FRMPD1: variants seen among roughly 807,000 people sequenced by gnomAD.
The protein encoded by FRMPD1 is FERM and PDZ domain containing 1, also known as FERM and PDZ domain-containing protein 1.
Under a neutral mutation model 117.8 loss-of-function variants are expected in FRMPD1, and 76 were observed. The ratio of observed to expected loss-of-function variants is 0.65; its 90% CI spans 0.54 to 0.78. FRMPD1 has a LOEUF of 0.78. Ranked by LOEUF, FRMPD1 falls within the 30% of genes least tolerant of loss-of-function variation. The probability of loss-of-function intolerance (pLI) is 0.00; values close to 1 mark genes in which losing one functional copy is unlikely to be tolerated. For missense variants in FRMPD1, 1,786 were observed against 1,964.5 expected, an observed-to-expected ratio of 0.91 and a Z score of 1.72; for synonymous variants, 783 against 770.4, an observed-to-expected ratio of 1.02 and a Z score of -0.27.
At chr9:37,670,538 C>G (rs1049090178) in intron 1 of FRMPD1, among the ~76,000 whole-genome samples, 4 of 152,122 alleles carry the variant, frequency 2.6e-5, no homozygotes, top group African/African-American at 9.7e-5. Flanking sequence ...GCGGGAGGCT[C>G]AGTGCAATTT....
chr9:37,651,867 C>T (rs1335218262), intron 1 of FRMPD1, among the ~76,000 whole-genome samples: 1 of 152,238 alleles, frequency 6.6e-6, no homozygotes, highest in Non-Finnish European at 1.5e-5. Flanking sequence ...AGAAGCGGAA[C>T]CTCCGGATCT....
chr9:37,693,595 A>G (rs1822223574), intron 2 of FRMPD1, among the ~76,000 whole-genome samples: 1 of 152,174 alleles, frequency 6.6e-6, no homozygotes, highest in South Asian at 2.1e-4. Context: ...CTTGTTTAGG[A>G]CCACTCTTAC....
the FRMPD1 span, chr9:37,636,906 C>T: frequency 1.9e-6 from 3 of 1,610,338 alleles, no homozygotes; most frequent in East Asian, 4.5e-5. Context: ...TTGTCCACCA[C>T]CTTCTTGGTG....
At position 37,740,260 on chromosome 9, in the gene FRMPD1, G is replaced by A. The variant is rs1378838567; in HGVS notation, c.1732G>A (p.Ala578Thr). 6.2e-7 allele frequency: 1 copy of A among 1,613,906 alleles called. No individual in the cohort carries two copies. The highest frequency in any genetic ancestry group is 1.1e-5 in the South Asian group (1 of 91,082). Residue 578 changes from alanine (A) to threonine (T), a missense_variant, in exon 15 of 16, where the codon GCC becomes ACC. Physicochemically the swap from Ala to Thr is moderately conservative, Grantham distance 58. Coordinates refer to ENST00000377765, the MANE Select transcript of FRMPD1 (RefSeq NM_014907.3). The surrounding 1 kb of genome is among the most constrained non-coding windows in gnomAD (Gnocchi z 4.2). The stretch of plus-strand genomic sequence containing the variant: ...TAGGAGGGGCCCCAGCACCTGCGGG[G>A]CCAGCAGCACGACAGACAGTGCCGA... ...VARRGPSTCG[A>T]SSTTDSAESE...
At chr9:37,699,537 C>G (rs556101389) in intron 2 of FRMPD1, among the ~76,000 whole-genome samples, 82 of 152,144 alleles carry the variant, frequency 5.4e-4, no homozygotes, top group South Asian at 2.3e-3. Context: ...CCAGGCTGGT[C>G]TTGAACTCCT....
At chr9:37,669,378 CCCCG>C (rs1437456407) in intron 1 of FRMPD1, among the ~76,000 whole-genome samples, 2 of 152,138 alleles carry the variant, frequency 1.3e-5, no homozygotes, top group African/African-American at 4.8e-5. Context: ...GAACTCTCAG[CCCCG>C]CCCCAGACCT....
the FRMPD1 span, among the ~76,000 whole-genome samples, chr9:37,638,689 CT>C: frequency 6.6e-6 from 1 of 152,164 alleles, no homozygotes; most frequent in Non-Finnish European, 1.5e-5. Context: ...AAAAGGAGGC[CT>C]TTTCAACTGG....
At chr9:37,690,224 A>G (rs545689664) in intron 1 of FRMPD1, among the ~76,000 whole-genome samples, 14 of 151,866 alleles carry the variant, frequency 9.2e-5, no homozygotes, top group African/African-American at 3.4e-4. Context: ...ACAGTCTTTC[A>G]TTGACTTTAT....
At chr9:37,734,324 A>C (rs548354089) in intron 12 of FRMPD1, among the ~76,000 whole-genome samples, 3 of 152,312 alleles carry the variant, frequency 2.0e-5, no homozygotes, top group African/African-American at 7.2e-5. Context: ...ATTGGAAATC[A>C]TGAAAGAAAA....
intron 1 of FRMPD1, among the ~76,000 whole-genome samples, chr9:37,660,076 C>T (rs1037415211): frequency 1.3e-5 from 2 of 151,928 alleles, no homozygotes; most frequent in African/African-American, 2.4e-5. Flanking sequence ...CCCCAGGATT[C>T]CTGTCCGACG....
At chr9:37,660,840 G>A (rs10814591) in intron 1 of FRMPD1, among the ~76,000 whole-genome samples, 25,190 of 152,102 alleles carry the variant, frequency 0.17, 2,944 homozygotes, top group East Asian at 0.47. Context: ...CATTCAGTAC[G>A]GAGCCCAGAA....
chr9:37,667,457 G>A (rs1459977053), intron 1 of FRMPD1, among the ~76,000 whole-genome samples: 1 of 150,494 alleles, frequency 6.6e-6, no homozygotes, highest in Non-Finnish European at 1.5e-5. Context: ...CGGGTTGCTT[G>A]AGGTCAAGAG....
the FRMPD1 span, among the ~76,000 whole-genome samples, chr9:37,614,537 A>G: frequency 6.7e-4 from 102 of 152,322 alleles, 1 homozygote; most frequent in Non-Finnish European, 1.0e-3. Flanking sequence ...GGCCAGCTGA[A>G]ATGTTTCCCA....
At chr9:37,640,475 T>C in the FRMPD1 span, among the ~76,000 whole-genome samples, 3 of 152,182 alleles carry the variant, frequency 2.0e-5, no homozygotes, top group South Asian at 6.2e-4. Context: ...TGCTCTGAAA[T>C]GTTCTCCCAT....
At chr9:37,642,152 C>G in the FRMPD1 span, among the ~76,000 whole-genome samples, 1 of 152,230 alleles carries the variant, frequency 6.6e-6, no homozygotes, top group Non-Finnish European at 1.5e-5. Context: ...TAGCAGAACC[C>G]TCCCAGATTT....
chr9:37,743,520 CTTTTTTTTTTTTTTTTTTTTTT>C (rs531949141), intron 15 of FRMPD1, among the ~76,000 whole-genome samples: 10 of 40,900 alleles, frequency 2.4e-4, no homozygotes, highest in East Asian at 1.3e-3. Context: ...AATGGCTCTG[CTTTTTTTTTTTTTTTTTTTTTT>C]TTTTTTTTTT....
At chr9:37,709,330 G>C (rs1238131858) in intron 4 of FRMPD1, among the ~76,000 whole-genome samples, 1 of 148,058 alleles carries the variant, frequency 6.8e-6, no homozygotes, top group African/African-American at 2.5e-5. Flanking sequence ...GGCTGATCTG[G>C]CTTTGGGGTG....
intron 1 of FRMPD1, among the ~76,000 whole-genome samples, chr9:37,652,608 G>A (rs1428523349): frequency 6.6e-6 from 1 of 152,142 alleles, no homozygotes; most frequent in Admixed American, 6.5e-5. Context: ...GCAGAGTTGT[G>A]GTACCTAAGT....
chr9:37,723,333 G>A (rs4878173), intron 6 of FRMPD1, among the ~76,000 whole-genome samples: 33,237 of 152,096 alleles, frequency 0.22, 3,948 homozygotes, highest in East Asian at 0.31. Context: ...ACAGGCTCGC[G>A]CAGTGCTATC....
Sources: allele counts gnomAD v4.1 joint callset (sites outside exome capture counted in the v4.1 genomes callset), GRCh38; gene constraint gnomAD v4.1.1; non-coding constraint Gnocchi (gnomAD v3.1); transcripts MANE v1.5; gene names NCBI Gene and HGNC (gene_info 2026-07-23, HGNC 2026-07-21).